Variants in ZFPM1 observed in about 807,000 individuals in gnomAD.
ZFPM1 encodes the protein zinc finger protein, FOG family member 1.
In ZFPM1, 28 loss-of-function variants were observed where a neutral mutation model predicts 46.3. The observed-to-expected ratio is 0.60, with a 90% CI of 0.45 to 0.83. The LOEUF (loss-of-function observed/expected upper bound fraction) is 0.83, where lower values mean the gene tolerates loss of function less well. Among genes scored for constraint, ZFPM1 ranks in the 40% least tolerant of loss-of-function variants. The pLI is 0.00. For missense variants in ZFPM1, 1,878 were observed against 1,432.4 expected (o/e 1.31, Z -5.02); for synonymous variants, 957 against 675.9 (o/e 1.42, Z -6.45).
At chr16:88,510,852 T>C (rs1234979958) in intron 3 of ZFPM1, among the ~76,000 whole-genome samples, 10 of 152,218 alleles carry the variant, frequency 6.6e-5, no homozygotes, top group Non-Finnish European at 1.3e-4. Flanking sequence ...CCCATGTACG[T>C]TGGGAGGAGT....
rs1171686157 is a variant in ZFPM1, at chr16:88,480,661, G to A, written c.41-5278G>A. ...CATCTCAAACACTGAGCCGGAGCAG[G>A]GTGCTCCCTGGGCCAGGGCCCTGGT... On this transcript the variant is annotated intron_variant, in intron 1 of 9. Coordinates refer to ENST00000319555, the MANE Select transcript of ZFPM1 (RefSeq NM_153813.3). The surrounding 1 kb of genome is among the most constrained non-coding windows in gnomAD (Gnocchi z 4.9). Among the ~76,000 whole-genome samples, 1 of 152,228 alleles carries A rather than the reference G, an allele frequency of 6.6e-6. No individual in the cohort carries two copies. Among genetic ancestry groups the A allele is most frequent in the Admixed American group, 6.5e-5 (1 of 15,282 alleles).
intron 2 of ZFPM1, 72 bp downstream of exon 2, chr16:88,486,115 G>A: frequency 6.9e-7 from 1 of 1,448,496 alleles, no homozygotes; most frequent in Non-Finnish European, 9.4e-7. Context: ...CATGCCCTCA[G>A]AGCTCAGTGG....
intron 3 of ZFPM1, among the ~76,000 whole-genome samples, chr16:88,502,188 T>G (rs1358677504): frequency 6.6e-6 from 1 of 151,912 alleles, no homozygotes; most frequent in Non-Finnish European, 1.5e-5. Flanking sequence ...ACGCAGCTGA[T>G]AAGATCGGTC....
At chr16:88,515,181 T>C (rs115610460) in intron 4 of ZFPM1, among the ~76,000 whole-genome samples, 313 of 152,352 alleles carry the variant, frequency 2.1e-3, no homozygotes, top group African/African-American at 7.0e-3. Context: ...CACTGGTATA[T>C]AGAAACCTGT....
At position 88,533,511 on chromosome 16, in the gene ZFPM1, T is replaced by G; in HGVS notation, c.1553T>G (p.Leu518Arg). The change falls in exon 10 of 10, where the codon CTG becomes CGG. Residue 518 changes from leucine (L) to arginine (R), a missense_variant. Leu to Arg is a moderately radical substitution (Grantham distance 102). Transcript: ENST00000319555. ...TPGSSPVPGE[L>R]GLAGALFLPQ... ...GGCTCCAGCCCGGTGCCCGGCGAGC[T>G]GGGCCTGGCCGGGGCCCTGTTCCTT... is the stretch of plus-strand genomic sequence containing the variant. The G allele has an allele frequency of 7.1e-7, 1 of 1,414,700 alleles. No individual in the cohort carries two copies. Among genetic ancestry groups the G allele is most frequent in the Non-Finnish European group, 9.2e-7 (1 of 1,089,552 alleles). The allele number at this position is 1,414,700 out of a possible 1,614,324, so 87.6% of individuals were successfully genotyped here. A position where few individuals can be genotyped will look rare whatever the true frequency, so the allele number is the denominator to read the frequency against.
chr16:88,514,239 T>G, intron 3 of ZFPM1, 148 bp from the exon 4 acceptor site: 1 of 1,374,012 alleles, frequency 7.3e-7, no homozygotes, highest in Non-Finnish European at 9.7e-7. Flanking sequence ...CCCAGGCCCC[T>G]GGGACCCAGC....
chr16:88,533,623 G>C lies in ZFPM1; in HGVS notation c.1665G>C (p.Gln555His), dbSNP rs1363034794. The C allele has an allele frequency of 4.4e-5, 64 of 1,470,482 alleles. No individual in the cohort carries two copies. The highest frequency in any genetic ancestry group is 5.0e-5 in the Non-Finnish European group (55 of 1,110,056). 91.1% of individuals were successfully genotyped at this position (1,470,482 alleles called of 1,614,324 possible). Reference protein sequence around the residue: ...KMSELVHSRLQQGAGAGAGGA... With the variant: ...KMSELVHSRLHQGAGAGAGGA... The stretch of plus-strand genomic sequence containing the variant: ...CCGAGCTGGTGCACAGCCGGCTGCA[G>C]CAGGGCGCGGGCGCGGGCGCCGGCG... Residue 555 changes from glutamine to histidine, a missense_variant, in exon 10 of 10, where the codon CAG (glutamine) becomes CAC (histidine). Transcript: ENST00000319555.
chr16:88,528,377 G>A, intron 6 of ZFPM1, 139 bp downstream of exon 6: 2 of 1,004,646 alleles, frequency 2.0e-6, no homozygotes, highest in Non-Finnish European at 1.4e-6. Context: ...CAGGGAAGGA[G>A]GTGACGTGGG....
intron 1 of ZFPM1, among the ~76,000 whole-genome samples, chr16:88,461,301 G>T (rs1597227165): frequency 1.3e-5 from 2 of 152,202 alleles, no homozygotes; most frequent in East Asian, 3.9e-4. Context: ...CAGGATGCTT[G>T]CTGGGGAGTC....
At chr16:88,499,933 C>T (rs962521049) in intron 3 of ZFPM1, among the ~76,000 whole-genome samples, 21 of 152,212 alleles carry the variant, frequency 1.4e-4, no homozygotes, top group South Asian at 2.1e-4. Context: ...CCATGAGGAG[C>T]GCAGCCGGAG....
intron 3 of ZFPM1, among the ~76,000 whole-genome samples, chr16:88,512,254 C>T (rs1025267750): frequency 1.3e-5 from 2 of 152,124 alleles, no homozygotes; most frequent in African/African-American, 2.4e-5. Flanking sequence ...GGGCAGGGGA[C>T]AAGTGAGAGC....
Position 88,532,100 on chromosome 16 carries a change from G to A in ZFPM1, c.811G>A (p.Gly271Ser), listed in dbSNP as rs141766578. 6.0e-5 allele frequency: 97 copies of A among 1,612,422 alleles called. No individual in the cohort carries two copies. In the African/African-American group the frequency reaches 8.9e-4, roughly 15 times the overall value. ...LYYCASRQGT[G>S]SPAAAATDEK... Reference sequence around the variant, plus strand: ...CTACTGCGCCAGCCGCCAGGGCACCGGCTCCCCGGCCGCAGCCGCCACAGA... The same window carrying A: ...CTACTGCGCCAGCCGCCAGGGCACCAGCTCCCCGGCCGCAGCCGCCACAGA... Residue 271 changes from glycine to serine, a missense_variant, in exon 7 of 10, where the codon GGC becomes AGC. By Grantham distance (56) the Gly-to-Ser change is moderately conservative (BLOSUM62 0). Coordinates refer to ENST00000319555, the MANE Select transcript of ZFPM1 (RefSeq NM_153813.3).
chr16:88,514,803 G>A (rs1457438848), intron 4 of ZFPM1, among the ~76,000 whole-genome samples: 1 of 152,186 alleles, frequency 6.6e-6, no homozygotes, highest in Non-Finnish European at 1.5e-5. Flanking sequence ...TTGAAGCAGA[G>A]GAGAAGAGCA....
rs1317281943 is a variant in ZFPM1 at position 88,532,255 on chromosome 16, G to A, written c.946+20G>A. The stretch of plus-strand genomic sequence containing the variant: ...ACAGCGGTGAGCCCCCACCCCGGAC[G>A]CGGGTCCTCAGGATGCCGGCTGCTT... On this transcript the variant is annotated intron_variant, in intron 7 of 9. Transcript: ENST00000319555. 5 of 1,572,302 alleles carry A rather than the reference G, an allele frequency of 3.2e-6. No homozygotes were observed. Among genetic ancestry groups the A allele is most frequent in the East Asian group, 2.3e-5 (1 of 44,064 alleles).
intron 6 of ZFPM1, among the ~76,000 whole-genome samples, chr16:88,529,299 A>G (rs1276292236): frequency 2.0e-5 from 3 of 152,072 alleles, no homozygotes; most frequent in Non-Finnish European, 2.9e-5. Flanking sequence ...TTGGAGGGGG[A>G]CGGTAAGACT....
intron 1 of ZFPM1, among the ~76,000 whole-genome samples, chr16:88,483,028 C>A (rs1036401190): frequency 1.3e-5 from 2 of 152,162 alleles, no homozygotes; most frequent in African/African-American, 4.8e-5. Flanking sequence ...GGAGTTGAAC[C>A]GGTCAGGGGT....
intron 3 of ZFPM1, among the ~76,000 whole-genome samples, chr16:88,490,844 CG>C (rs1411560001): frequency 7.9e-5 from 12 of 152,156 alleles, no homozygotes; most frequent in African/African-American, 2.9e-4. Flanking sequence ...GAAGGGGGAC[CG>C]GGCATCCAGC....
In ZFPM1 at chr16:88,533,921, G is replaced by T; in HGVS notation, c.1963G>T (p.Glu655Ter). The T allele has an allele frequency of 8.3e-7, 1 of 1,210,010 alleles. No individual in the cohort carries two copies. Among genetic ancestry groups the T allele is most frequent in the Non-Finnish European group, 1.0e-6 (1 of 955,354 alleles). The allele number at this position is 1,210,010 out of a possible 1,614,324, so 75.0% of individuals were successfully genotyped here. A position where few individuals can be genotyped will look rare whatever the true frequency, so the allele number is the denominator to read the frequency against. The stretch of plus-strand genomic sequence containing the variant: ...GGGGGCTGGGGGCGCGGCCACGCCC[G>T]AGGACGGCGCGGGCGGCCGGGGCAG... ...EEGAGGAATP[E>*]DGAGGRGSEG... is the part of the protein sequence containing the mutation. The change falls in exon 10 of 10, where the codon GAG (glutamate) becomes TAG (stop). Residue 655 changes from glutamate (E) to a stop codon, truncating the protein, a stop_gained. Coordinates refer to ENST00000319555, the MANE Select transcript of ZFPM1 (RefSeq NM_153813.3). LOFTEE classifies it low-confidence loss of function (END_TRUNC).
intron 3 of ZFPM1, among the ~76,000 whole-genome samples, chr16:88,502,039 C>A (rs1019863628): frequency 2.0e-5 from 3 of 148,108 alleles, no homozygotes; most frequent in Non-Finnish European, 3.0e-5. Context: ...TCCTCCACCC[C>A]CGACGCGGCT....
Sources: gnomAD v4.1 joint callset for allele counts (sites outside exome capture counted in the v4.1 genomes callset) on GRCh38, gnomAD v4.1.1 for gene constraint, Gnocchi (gnomAD v3.1) non-coding constraint, MANE v1.5 for transcripts, NCBI Gene and HGNC (gene_info 2026-07-23, HGNC 2026-07-21) for gene names.